The following OTUD6B variants were observed in gnomAD, a reference collection of about 807,000 sequenced individuals.
OTUD6B encodes the protein OTU deubiquitinase 6B.
Under a neutral mutation model 36.9 loss-of-function variants are expected in OTUD6B, and 41 were observed. That is an observed-to-expected ratio of 1.11 (90% CI 0.87 to 1.44). The LOEUF is 1.44. OTUD6B is among the 40% of genes most tolerant of loss of function. OTUD6B has a pLI of 0.00. For missense variants in OTUD6B, 356 were observed against 344.8 expected (o/e 1.03, Z -0.26); for synonymous variants, 114 against 114.2 (o/e 1.00, Z 0.01).
At chr8:91,073,985 C>G in intron 3 of OTUD6B, 74 bp downstream of exon 3, 1 of 975,380 alleles carries the variant, frequency 1.0e-6, no homozygotes, top group African/African-American at 1.7e-5. Context: ...TATCTTAGGT[C>G]TTGTTATAGG....
At chr8:91,082,170 T>G (rs1427319915) in intron 5 of OTUD6B, among the ~76,000 whole-genome samples, 1 of 152,148 alleles carries the variant, frequency 6.6e-6, no homozygotes, top group African/African-American at 2.4e-5. Context: ...TATGCTAGTT[T>G]CTTAAAAATG....
chr8:91,076,866 C>T (rs1226750396), intron 3 of OTUD6B: 1 of 640,350 alleles, frequency 1.6e-6, no homozygotes, highest in Non-Finnish European at 2.8e-6. Context: ...GTTCCTATTA[C>T]TTATACAAAC....
chr8:91,082,103 T>C (rs577223234), intron 5 of OTUD6B, among the ~76,000 whole-genome samples: 1 of 152,238 alleles, frequency 6.6e-6, no homozygotes, highest in Non-Finnish European at 1.5e-5. Context: ...CATTCTATGA[T>C]CTCTGAAGTT....
rs1812834499 is a variant in OTUD6B at position 91,078,122 on chromosome 8, G to C, written c.316-234G>C. On this transcript the variant is annotated intron_variant, in intron 3 of 6. Coordinates refer to ENST00000404789, the MANE Select transcript of OTUD6B (RefSeq NM_016023.5). Reference sequence around the variant, plus strand: ...TTAAGTAGACTTTAAAGAAAAATTAGAGGGCTTTCTTAATGTCCAGTATAG... The same window carrying C: ...TTAAGTAGACTTTAAAGAAAAATTACAGGGCTTTCTTAATGTCCAGTATAG... 8.2e-6 allele frequency: 3 copies of C among 366,728 alleles called. No homozygotes were observed. In the South Asian group the frequency reaches 3.3e-4, roughly 41 times the overall value. 22.7% of individuals were successfully genotyped at this position (366,728 alleles called of 1,614,324 possible).
intron 5 of OTUD6B, 120 bp from the exon 6 acceptor site, chr8:91,083,888 G>T (rs758336313): frequency 1.4e-5 from 17 of 1,192,090 alleles, no homozygotes; most frequent in Non-Finnish European, 1.8e-5. Flanking sequence ...TATATACCAG[G>T]CTCTCTGTGT....
In OTUD6B at chr8:91,078,422, A is replaced by G. The variant is rs1812839840; in HGVS notation, c.382A>G (p.Thr128Ala). ...AGCTGAAGCTGAAATTGAAAACTTA[A>G]CAGGAGCCAGACATATGGAAAGTGA... The part of the protein sequence containing the change: ...RIAEAEIENL[T>A]GARHMESEKL... The change falls in exon 4 of 7, where the codon ACA (threonine) becomes GCA (alanine). Residue 128 changes from threonine (T) to alanine (A), a missense_variant. Thr to Ala is a moderately conservative substitution (Grantham distance 58, BLOSUM62 0). Transcript: ENST00000404789. 6.3e-7 allele frequency: 1 copy of G among 1,597,934 alleles called. No individual in the cohort carries two copies. Among genetic ancestry groups the G allele is most frequent in the African/African-American group, 1.3e-5 (1 of 74,716 alleles).
At chr8:91,076,422 CT>C (rs1367547178) in intron 3 of OTUD6B, 2 of 980,214 alleles carry the variant, frequency 2.0e-6, no homozygotes, top group Non-Finnish European at 2.4e-6. Context: ...AACTCAATTG[CT>C]TTGTTCTAAT....
In OTUD6B at chr8:91,084,973, A is replaced by G; in HGVS notation, c.*105A>G. The G allele has an allele frequency of 4.3e-6, 2 of 470,024 alleles. No homozygotes were observed. Among genetic ancestry groups the G allele is most frequent in the Non-Finnish European group, 7.5e-6 (2 of 266,684 alleles). The allele number at this position is 470,024 out of a possible 1,614,324, so 29.1% of individuals were successfully genotyped here. A position where few individuals can be genotyped will look rare whatever the true frequency, so the allele number is the denominator to read the frequency against. On this transcript the variant is annotated 3_prime_UTR_variant, in exon 7 of 7. Transcript: ENST00000404789. Reference sequence around the variant, plus strand: ...TGCTACTGAAAAACACAACTACCTTATATCAGTTTTATGGCAAAGCTACTA... The same window carrying G: ...TGCTACTGAAAAACACAACTACCTTGTATCAGTTTTATGGCAAAGCTACTA...
chr8:91,076,734 G>A lies in OTUD6B; in HGVS notation c.316-1622G>A, dbSNP rs1027999949. The stretch of plus-strand genomic sequence containing the variant: ...TTTTGGATTAGATGATATCTAAGGT[G>A]CTTATTCTTCCTTTCCCCTCTGAAA... On this transcript the variant is annotated intron_variant, in intron 3 of 6. Coordinates refer to ENST00000404789, the MANE Select transcript of OTUD6B (RefSeq NM_016023.5). The A allele has an allele frequency of 2.9e-5, 27 of 922,674 alleles. No homozygotes were observed. The highest frequency in any genetic ancestry group is 4.9e-5 in the African/African-American group (3 of 61,182). 57.2% of individuals were successfully genotyped at this position (922,674 alleles called of 1,614,324 possible).
chr8:91,071,684 G>A (rs548447987), intron 2 of OTUD6B, among the ~76,000 whole-genome samples: 1 of 152,282 alleles, frequency 6.6e-6, no homozygotes, highest in East Asian at 1.9e-4. Context: ...CATAAAATTG[G>A]TAGGGAAATG....
In OTUD6B at chr8:91,071,178, CAAG is replaced by C; in HGVS notation, c.128_130del (p.Lys43del). 1 of 1,613,314 alleles carries C rather than the reference CAAG, an allele frequency of 6.2e-7. No homozygotes were observed. The highest frequency in any genetic ancestry group is 8.5e-7 in the Non-Finnish European group (1 of 1,179,666). ...TGAAGAATGCTGTTCCCAAGAATGACAAGAAGAGGAGGAAGCAACTCACCGAAG... is the reference window on the plus strand; with the variant it reads ...TGAAGAATGCTGTTCCCAAGAATGACAAGAGGAGGAAGCAACTCACCGAAG... On this transcript the variant is annotated inframe_deletion, in exon 2 of 7. Transcript: ENST00000404789.
Position 91,078,519 on chromosome 8 carries a change from A to G in OTUD6B, c.479A>G (p.Tyr160Cys). The G allele has an allele frequency of 6.2e-7, 1 of 1,610,258 alleles. No homozygotes were observed. The highest frequency in any genetic ancestry group is 8.5e-7 in the Non-Finnish European group (1 of 1,178,144). Residue 160 changes from tyrosine to cysteine, a missense_variant, in exon 4 of 7, where the codon TAT becomes TGT. Coordinates refer to ENST00000404789, the MANE Select transcript of OTUD6B (RefSeq NM_016023.5). ...ATTCCATCTGATGGCCACTGTATGT[A>G]TAAAGCCATTGAAGATCAACTGAAA... ...KQIPSDGHCM[Y>C]KAIEDQLKEK...
Position 91,071,160 on chromosome 8 carries a change from T to C in OTUD6B, c.105T>C (p.Asn35=), listed in dbSNP as rs566243715. The C allele has an allele frequency of 2.5e-6, 4 of 1,613,386 alleles. No individual in the cohort carries two copies. The East Asian group carries it at 8.9e-5, about 36-fold the overall frequency. Reference sequence around the variant, plus strand: ...CAGCCAAAATTCAGGGCATGAAGAATGCTGTTCCCAAGAATGACAAGAAGA... The same window carrying C: ...CAGCCAAAATTCAGGGCATGAAGAACGCTGTTCCCAAGAATGACAAGAAGA... ...ELQAKIQGMK[N]AVPKNDKKRR... is the part of the protein sequence containing the mutation. The change falls in exon 2 of 7, where the codon AAT becomes AAC. Residue 35 remains asparagine (N), a synonymous_variant. Transcript: ENST00000404789.
intron 4 of OTUD6B, 87 bp from the exon 5 acceptor site, chr8:91,080,582 G>A: frequency 6.7e-7 from 1 of 1,499,344 alleles, no homozygotes; most frequent in Non-Finnish European, 8.9e-7. Context: ...GGGCATTTTT[G>A]TCAGGAATTG....
At chr8:91,071,869 A>G (rs1812707157) in intron 2 of OTUD6B, among the ~76,000 whole-genome samples, 1 of 152,210 alleles carries the variant, frequency 6.6e-6, no homozygotes, top group African/African-American at 2.4e-5. Context: ...CAGGCATCTG[A>G]TCCCAGAATT....
In OTUD6B at chr8:91,084,852, C is replaced by G; in HGVS notation, c.866C>G (p.Thr289Ser). The G allele has an allele frequency of 6.4e-7, 1 of 1,550,872 alleles. No individual in the cohort carries two copies. Among genetic ancestry groups the G allele is most frequent in the South Asian group, 1.2e-5 (1 of 86,534 alleles). ...NSVTRLVNIV[T>S]ENCS Reference sequence around the variant, plus strand: ...GTTACACGGTTGGTAAACATAGTTACTGAAAATTGCAGCTAATTTATACAA... The same window carrying G: ...GTTACACGGTTGGTAAACATAGTTAGTGAAAATTGCAGCTAATTTATACAA... Residue 289 changes from threonine (T) to serine (S), a missense_variant, in exon 7 of 7, where the codon ACT becomes AGT. Coordinates refer to ENST00000404789, the MANE Select transcript of OTUD6B (RefSeq NM_016023.5).
chr8:91,072,124 ATTTAT>A (rs1293820253), intron 2 of OTUD6B, among the ~76,000 whole-genome samples: 1 of 152,190 alleles, frequency 6.6e-6, no homozygotes, highest in Admixed American at 6.5e-5. Context: ...TTTAACTAAT[ATTTAT>A]TTTATCGTTG....
rs1193022842 is a variant in OTUD6B, at chr8:91,086,183, A to G, written c.*1315A>G. The G allele has an allele frequency of 2.0e-5, 3 of 152,052 alleles. No homozygotes were observed. The highest frequency in any genetic ancestry group is 1.5e-5 in the Non-Finnish European group (1 of 67,964). The allele number at this position is 152,052 out of a possible 1,614,324, so 9.4% of individuals were successfully genotyped here. A position where few individuals can be genotyped will look rare whatever the true frequency, so the allele number is the denominator to read the frequency against. On this transcript the variant is annotated 3_prime_UTR_variant, in exon 7 of 7. Transcript: ENST00000404789. The stretch of plus-strand genomic sequence containing the variant: ...CCAAACTAGAGATAAAACTAGTAAG[A>G]TTTAGTATCGTTTATAACATTTGAA...
intron 2 of OTUD6B, among the ~76,000 whole-genome samples, chr8:91,073,047 A>G (rs2130426814): frequency 1.3e-5 from 2 of 152,256 alleles, no homozygotes; most frequent in South Asian, 4.1e-4. Context: ...TCCTAATTTC[A>G]CTATAGTTGA....
Sources: gnomAD v4.1 joint callset for allele counts (sites outside exome capture counted in the v4.1 genomes callset) on GRCh38, gnomAD v4.1.1 for gene constraint, MANE v1.5 for transcripts, NCBI Gene and HGNC (gene_info 2026-07-23, HGNC 2026-07-21) for gene names.